INPP4A: variants seen among roughly 807,000 people sequenced by gnomAD.
INPP4A encodes the protein inositol polyphosphate-4-phosphatase type I A.
A neutral mutation model predicts 119.8 loss-of-function variants in INPP4A; 33 were observed. The ratio of observed to expected loss-of-function variants is 0.28; its 90% CI spans 0.21 to 0.37. INPP4A has a LOEUF of 0.37. Ranked by LOEUF, INPP4A falls within the 10% of genes least tolerant of loss-of-function variation. The probability of loss-of-function intolerance (pLI) is 1.00; values close to 1 mark genes in which losing one functional copy is unlikely to be tolerated. For synonymous variants in INPP4A, 496 were observed against 500.7 expected, an observed-to-expected ratio of 0.99 and a Z score of 0.12; for missense variants, 956 against 1,289.9, an observed-to-expected ratio of 0.74 and a Z score of 3.97.
intron 4 of INPP4A, among the ~76,000 whole-genome samples, chr2:98,525,220 T>C (rs988588391): frequency 2.6e-5 from 4 of 152,372 alleles, no homozygotes; most frequent in Non-Finnish European, 5.9e-5. Context: ...CTTGTGGACT[T>C]ACAGTCCTCT....
At chr2:98,510,005 C>G (rs939454382) in intron 1 of INPP4A, among the ~76,000 whole-genome samples, 1 of 152,130 alleles carries the variant, frequency 6.6e-6, no homozygotes, top group East Asian at 1.9e-4. Context: ...AAGGCCACAC[C>G]AGATAAAAGT....
chr2:98,568,972 TG>T (rs1271448871), intron 22 of INPP4A: 1 of 257,962 alleles, frequency 3.9e-6, no homozygotes, highest in Non-Finnish European at 7.6e-6. Context: ...TGGTAGGACT[TG>T]GGGGAATCAC....
intron 10 of INPP4A, 94 bp from the exon 11 acceptor site, chr2:98,543,783 C>G (rs1046264613): frequency 6.7e-7 from 1 of 1,483,620 alleles, no homozygotes; most frequent in Non-Finnish European, 9.2e-7. Flanking sequence ...CATGATACTT[C>G]CCCTGCAAAT....
chr2:98,465,202 G>C (rs1674489476), intron 1 of INPP4A, among the ~76,000 whole-genome samples: 1 of 152,204 alleles, frequency 6.6e-6, no homozygotes, highest in Admixed American at 6.5e-5. Flanking sequence ...CAAGCTGTGG[G>C]CAAGGCCATG....
chr2:98,545,830 G>A, intron 11 of INPP4A, 139 bp from the exon 12 acceptor site: 1 of 596,372 alleles, frequency 1.7e-6, no homozygotes, highest in Non-Finnish European at 2.9e-6. Flanking sequence ...TGTGCTCATG[G>A]CAACTCAGAA....
chr2:98,558,985 C>G (rs1261489351), intron 16 of INPP4A, among the ~76,000 whole-genome samples: 2 of 152,174 alleles, frequency 1.3e-5, no homozygotes, highest in Non-Finnish European at 2.9e-5. Flanking sequence ...TCTCAGCAGT[C>G]GATCCTGAGC....
rs183210940 is a variant in INPP4A at position 98,566,390 on chromosome 2, A to G, written c.2420+221A>G. On this transcript the variant is annotated intron_variant, in intron 21 of 24. Transcript: ENST00000409851. This position sits in a 1 kb window ranked among gnomAD's most constrained non-coding sequence, Gnocchi z 4.2. The stretch of plus-strand genomic sequence containing the variant: ...TGTCCTCAGGGACTCAGCTGGTGGG[A>G]GAGAGAGAGACATGGATGCAATGAT... Among the ~76,000 whole-genome samples the G allele has an allele frequency of 3.3e-5, 5 of 152,100 alleles. No individual in the cohort carries two copies. The highest frequency in any genetic ancestry group is 1.3e-4 in the Admixed American group (2 of 15,286).
At chr2:98,513,889 A>G (rs539101821) in intron 1 of INPP4A, among the ~76,000 whole-genome samples, 20 of 152,314 alleles carry the variant, frequency 1.3e-4, no homozygotes, top group African/African-American at 4.8e-4. Flanking sequence ...TGTCATAGAA[A>G]GTCCTCCTAG....
At position 98,481,811 on chromosome 2, in the gene INPP4A, T is replaced by C. The variant is rs552117848; in HGVS notation, c.-166+36726T>C. 4.6e-5 allele frequency among the ~76,000 whole-genome samples: 7 copies of C among 152,360 alleles called. No individual in the cohort carries two copies. The East Asian group carries it at 1.2e-3, about 25-fold the overall frequency. On this transcript the variant is annotated intron_variant, in intron 1 of 24. Transcript: ENST00000409851. ...TGGCCTTGAGTGTCAGCTAGCTTGCTGGTCTTCAGGGTGCTCCCTGTCCAC... is the reference window on the plus strand; with the variant it reads ...TGGCCTTGAGTGTCAGCTAGCTTGCCGGTCTTCAGGGTGCTCCCTGTCCAC...
intron 24 of INPP4A, among the ~76,000 whole-genome samples, chr2:98,586,634 G>C (rs1699987036): frequency 1.3e-5 from 2 of 152,186 alleles, no homozygotes; most frequent in African/African-American, 4.8e-5. Context: ...CCCCCTGGCT[G>C]CTCATCCTCC....
intron 1 of INPP4A, among the ~76,000 whole-genome samples, chr2:98,455,329 C>T (rs1695937934): frequency 6.6e-6 from 1 of 151,880 alleles, no homozygotes; most frequent in Non-Finnish European, 1.5e-5. Flanking sequence ...CAGAGTGAGA[C>T]CCTGTCTCTA....
At chr2:98,574,608 A>G (rs1268617657) in intron 23 of INPP4A, among the ~76,000 whole-genome samples, 5 of 151,230 alleles carry the variant, frequency 3.3e-5, no homozygotes, top group African/African-American at 1.2e-4. Context: ...ACTGCACTCC[A>G]GCCTGGGTGA....
intron 1 of INPP4A, among the ~76,000 whole-genome samples, chr2:98,483,885 A>G (rs1310208402): frequency 6.6e-6 from 1 of 151,958 alleles, no homozygotes; most frequent in Non-Finnish European, 1.5e-5. Flanking sequence ...CTTCCTCTCC[A>G]CCCTCTTGCC....
chr2:98,448,783 C>G (rs1007888454), intron 1 of INPP4A, among the ~76,000 whole-genome samples: 1 of 150,416 alleles, frequency 6.6e-6, no homozygotes, highest in African/African-American at 2.4e-5. Flanking sequence ...CAGCTCACTA[C>G]AGCTTGGACC....
In INPP4A at chr2:98,565,746, G is replaced by C; in HGVS notation, c.2259G>C (p.Leu753=). ...QATSSASADM[L]PVITGNRDGF... is the part of the protein sequence containing the mutation. ...CTTCCAGCGCCTCCGCAGACATGCT[G>C]CCCGTCATCACAGGAAATCGGTAGA... Residue 753 remains leucine (L), a synonymous_variant, in exon 20 of 25, where the codon CTG becomes CTC. Coordinates refer to ENST00000409851, the MANE Select transcript of INPP4A (RefSeq NM_001134225.2). 6.2e-7 allele frequency: 1 copy of C among 1,612,122 alleles called. No homozygotes were observed.
chr2:98,572,609 A>G (rs1480927972), intron 22 of INPP4A, among the ~76,000 whole-genome samples: 1 of 152,200 alleles, frequency 6.6e-6, no homozygotes. Context: ...GATGAAGGAA[A>G]TGTCCTTTGA....
At chr2:98,544,491 ACT>A (rs1463479320) in intron 11 of INPP4A, among the ~76,000 whole-genome samples, 5 of 152,168 alleles carry the variant, frequency 3.3e-5, no homozygotes, top group African/African-American at 1.2e-4. Flanking sequence ...TTAAGGGGTA[ACT>A]CTGTATTTTA....
intron 9 of INPP4A, 76 bp from the exon 10 acceptor site, chr2:98,539,452 C>T: frequency 1.3e-6 from 2 of 1,494,260 alleles, no homozygotes; most frequent in South Asian, 1.3e-5. Flanking sequence ...TCCCTGAGGG[C>T]CGGGGGAGGA....
chr2:98,553,539 A>ACTCTCT (rs1316185632), intron 14 of INPP4A, among the ~76,000 whole-genome samples: 2 of 152,004 alleles, frequency 1.3e-5, no homozygotes, highest in Non-Finnish European at 1.5e-5. Context: ...CTCTCAGCGC[A>ACTCTCT]CACAAACACG....
Sources: allele counts gnomAD v4.1 joint callset (sites outside exome capture counted in the v4.1 genomes callset), GRCh38; gene constraint gnomAD v4.1.1; non-coding constraint Gnocchi (gnomAD v3.1); transcripts MANE v1.5; gene names NCBI Gene and HGNC (gene_info 2026-07-23, HGNC 2026-07-21).